FAM227B: variants seen among roughly 807,000 people sequenced by gnomAD.
FAM227B encodes protein FAM227B.
FAM227B carries 88 observed loss-of-function variants against 73.8 expected under a neutral mutation model. That is an observed-to-expected ratio of 1.19 (90% CI 1.00 to 1.42). The LOEUF (loss-of-function observed/expected upper bound fraction) is 1.42. FAM227B is among the 40% of genes most tolerant of loss of function. The pLI, the probability that FAM227B is intolerant of heterozygous loss-of-function variation, is 0.00. For missense variants in FAM227B, 632 were observed against 590.9 expected, an observed-to-expected ratio of 1.07 and a Z score of -0.72; for synonymous variants, 210 against 190.5, an observed-to-expected ratio of 1.10 and a Z score of -0.84.
chr15:49,332,087 C>CCACACACACACA lies in FAM227B; in HGVS notation c.1350-250_1350-239dup, dbSNP rs377139081. On this transcript the variant is annotated intron_variant, in intron 14 of 15. Transcript: ENST00000299338. Reference sequence around the variant, plus strand: ...CACCCCCGCTGCATGTGCACACGTGCCACACACACACACACACACACACAC... The same window carrying CCACACACACACA: ...CACCCCCGCTGCATGTGCACACGTGCCACACACACACACACACACACACACACACACACACAC... Among the ~76,000 whole-genome samples, 788 of 127,978 alleles carry CCACACACACACA rather than the reference C, an allele frequency of 6.2e-3. 11 individuals are homozygous for CCACACACACACA. The highest frequency in any genetic ancestry group is 0.019 in the African/African-American group (742 of 39,010). The allele number at this position is 127,978 out of a possible 152,430, so 84.0% of individuals were successfully genotyped here.
At chr15:49,482,731 T>C (rs1264431652) in intron 11 of FAM227B, among the ~76,000 whole-genome samples, 11 of 152,116 alleles carry the variant, frequency 7.2e-5, no homozygotes, top group Non-Finnish European at 1.6e-4. Context: ...TCTGTAAAAC[T>C]GGGATAACAA....
chr15:49,481,596 G>A (rs2152015092), intron 11 of FAM227B, among the ~76,000 whole-genome samples: 1 of 152,268 alleles, frequency 6.6e-6, no homozygotes, highest in East Asian at 1.9e-4. Flanking sequence ...ATTCAGGCCT[G>A]TGTTCTTCAA....
At chr15:49,475,957 A>T (rs1350049813) in intron 11 of FAM227B, among the ~76,000 whole-genome samples, 1 of 152,014 alleles carries the variant, frequency 6.6e-6, no homozygotes, top group Non-Finnish European at 1.5e-5. Flanking sequence ...CTCTTTTTCC[A>T]CCCTCTCACT....
rs188666699 is a variant in FAM227B, at chr15:49,418,800, G to A, written c.1013-47401C>T. Among the ~76,000 whole-genome samples, 905 of 134,188 alleles carry A rather than the reference G, an allele frequency of 6.7e-3. 15 individuals are homozygous for A. The highest frequency in any genetic ancestry group is 0.021 in the African/African-American group (840 of 39,220). The allele number at this position is 134,188 out of a possible 152,430, so 88.0% of individuals were successfully genotyped here. On this transcript the variant is annotated intron_variant, in intron 11 of 15. Transcript: ENST00000299338. Reference sequence around the variant, plus strand: ...AAAAGATCAAAAAAAGAAAAAAAAAGAAATATGTGTTGGACCACAATTTCA... The same window carrying A: ...AAAAGATCAAAAAAAGAAAAAAAAAAAAATATGTGTTGGACCACAATTTCA...
intron 5 of FAM227B, among the ~76,000 whole-genome samples, chr15:49,585,402 C>T (rs1456403418): frequency 6.6e-6 from 1 of 152,154 alleles, no homozygotes; most frequent in Non-Finnish European, 1.5e-5. Context: ...CGTATGCTTA[C>T]TGCGGCACTA....
chr15:49,393,706 ACCACCAAGCTC>A (rs1277481307), intron 11 of FAM227B, among the ~76,000 whole-genome samples: 2 of 152,120 alleles, frequency 1.3e-5, no homozygotes, highest in African/African-American at 2.4e-5. Flanking sequence ...TGATCTGGCT[ACCACCAAGCTC>A]CTACCCTGAC....
At chr15:49,517,409 AAT>A (rs555905250) in intron 10 of FAM227B, among the ~76,000 whole-genome samples, 88 of 152,324 alleles carry the variant, frequency 5.8e-4, no homozygotes, top group Admixed American at 4.4e-3. Flanking sequence ...AAGAAATAAA[AAT>A]ATGTTTTATA....
chr15:49,430,113 A>C (rs892656724), intron 11 of FAM227B, among the ~76,000 whole-genome samples: 1 of 151,872 alleles, frequency 6.6e-6, no homozygotes, highest in South Asian at 2.1e-4. Context: ...CCTCTCTGAC[A>C]AATCTTAGTG....
chr15:49,565,041 T>G (rs1403706294), intron 9 of FAM227B, among the ~76,000 whole-genome samples: 1 of 152,024 alleles, frequency 6.6e-6, no homozygotes, highest in African/African-American at 2.4e-5. Flanking sequence ...TAACTGTAGG[T>G]TGTTCGCATG....
At chr15:49,380,709 A>ACTTTATTTTTTTTCTGCC (rs1221091485) in intron 11 of FAM227B, among the ~76,000 whole-genome samples, 2 of 151,742 alleles carry the variant, frequency 1.3e-5, no homozygotes, top group African/African-American at 4.8e-5. Context: ...TTTTTTTTCT[A>ACTTTATTTTTTTTCTGCC]CTTTATTTTT....
At chr15:49,431,212 C>A (rs2050586645) in intron 11 of FAM227B, among the ~76,000 whole-genome samples, 1 of 151,676 alleles carries the variant, frequency 6.6e-6, no homozygotes, top group Non-Finnish European at 1.5e-5. Flanking sequence ...ATTTTTACCC[C>A]TCAAATAGGT....
chr15:49,483,502 C>T (rs1456240783), intron 11 of FAM227B, among the ~76,000 whole-genome samples: 1 of 151,992 alleles, frequency 6.6e-6, no homozygotes, highest in Non-Finnish European at 1.5e-5. Flanking sequence ...TCTAAGGATC[C>T]TTCCAGCTCT....
intron 9 of FAM227B, among the ~76,000 whole-genome samples, chr15:49,562,226 C>T (rs772703214): frequency 2.0e-5 from 3 of 152,008 alleles, no homozygotes; most frequent in African/African-American, 4.8e-5. Flanking sequence ...AACAACACTA[C>T]ACACACAAGT....
intron 8 of FAM227B, among the ~76,000 whole-genome samples, chr15:49,570,731 T>C (rs2075034048): frequency 6.6e-6 from 1 of 150,860 alleles, no homozygotes; most frequent in African/African-American, 2.4e-5. Flanking sequence ...TGTCTTTCTG[T>C]GACTGGCTTA....
intron 11 of FAM227B, among the ~76,000 whole-genome samples, chr15:49,455,448 A>G (rs1004620562): frequency 5.3e-5 from 8 of 152,206 alleles, no homozygotes; most frequent in African/African-American, 1.9e-4. Context: ...TTTCTTAAGT[A>G]ATAAAATTGT....
chr15:49,588,546 A>AATATAT (rs1567647114), intron 4 of FAM227B, among the ~76,000 whole-genome samples: 2 of 41,494 alleles, frequency 4.8e-5, no homozygotes, highest in South Asian at 8.0e-4. Context: ...CATATTGAGG[A>AATATAT]CTATATATAT....
chr15:49,498,893 G>A (rs990506935), intron 11 of FAM227B, among the ~76,000 whole-genome samples: 10 of 151,796 alleles, frequency 6.6e-5, no homozygotes, highest in Non-Finnish European at 1.0e-4. Context: ...CAGGCCGGGC[G>A]CGGTGGCTCA....
chr15:49,505,174 T>A (rs2058483788), intron 11 of FAM227B, among the ~76,000 whole-genome samples: 1 of 152,144 alleles, frequency 6.6e-6, no homozygotes, highest in Non-Finnish European at 1.5e-5. Context: ...TCTATATAAT[T>A]TCATTTATGT....
chr15:49,481,174 C>A (rs1166935837), intron 11 of FAM227B, among the ~76,000 whole-genome samples: 1 of 152,196 alleles, frequency 6.6e-6, no homozygotes, highest in African/African-American at 2.4e-5. Flanking sequence ...TAGAAACCAA[C>A]TATTCCATAT....
Sources: gnomAD v4.1 joint callset for allele counts (sites outside exome capture counted in the v4.1 genomes callset) on GRCh38, gnomAD v4.1.1 for gene constraint, MANE v1.5 for transcripts, NCBI Gene and HGNC (gene_info 2026-07-23, HGNC 2026-07-21) for gene names.